The following TSPAN18 variants were observed in gnomAD, a reference collection of about 807,000 sequenced individuals.
TSPAN18 encodes tetraspanin 18.
In TSPAN18, 14 loss-of-function variants were observed where a neutral mutation model predicts 27.3. The observed-to-expected ratio is 0.51, with a 90% CI of 0.34 to 0.80. TSPAN18 has a LOEUF of 0.80. TSPAN18 is among the 30% of genes least tolerant of loss of function. The probability of loss-of-function intolerance (pLI) is 0.01; values close to 1 mark genes in which losing one functional copy is unlikely to be tolerated. For missense variants in TSPAN18, 268 were observed against 323.9 expected (o/e 0.83, Z 1.32); for synonymous variants, 143 against 136.5 (o/e 1.05, Z -0.33).
chr11:44,788,842 G>T (rs1195598845), intron 2 of TSPAN18, among the ~76,000 whole-genome samples: 1 of 152,218 alleles, frequency 6.6e-6, no homozygotes, highest in Non-Finnish European at 1.5e-5. Flanking sequence ...TTAAGAGGAG[G>T]TCATATGTCA....
chr11:44,912,242 G>C (rs866144734), intron 5 of TSPAN18, among the ~76,000 whole-genome samples: 1 of 152,034 alleles, frequency 6.6e-6, no homozygotes, highest in Non-Finnish European at 1.5e-5. Flanking sequence ...GGCTGGTCTT[G>C]AACTCCTGGG....
intron 1 of TSPAN18, among the ~76,000 whole-genome samples, chr11:44,738,369 C>T (rs535584397): frequency 2.0e-5 from 3 of 152,150 alleles, no homozygotes; most frequent in Non-Finnish European, 4.4e-5. Flanking sequence ...CTGGAGCCCC[C>T]CCGGCTGGAG....
chr11:44,751,054 A>C (rs774257728), intron 1 of TSPAN18, among the ~76,000 whole-genome samples: 8 of 152,166 alleles, frequency 5.3e-5, no homozygotes, highest in Non-Finnish European at 1.2e-4. Flanking sequence ...TTAGAGGATG[A>C]CTTTTAGGGC....
At chr11:44,796,588 C>T (rs1856355179) in intron 2 of TSPAN18, among the ~76,000 whole-genome samples, 1 of 152,114 alleles carries the variant, frequency 6.6e-6, no homozygotes, top group South Asian at 2.1e-4. Flanking sequence ...TGGAACCCAG[C>T]ATGTCAAAGT....
intron 2 of TSPAN18, among the ~76,000 whole-genome samples, chr11:44,830,362 G>A (rs1857129854): frequency 6.6e-6 from 1 of 152,244 alleles, no homozygotes. Context: ...TGCCATAGCA[G>A]GGAGAAGCCA....
intron 4 of TSPAN18, among the ~76,000 whole-genome samples, chr11:44,908,065 A>AAAAAG (rs1372443604): frequency 6.6e-6 from 1 of 151,236 alleles, no homozygotes; most frequent in Non-Finnish European, 1.5e-5. Flanking sequence ...AGAAAAAAAA[A>AAAAAG]AAAAAGGAGA....
rs765009338 is a variant in TSPAN18, at chr11:44,917,964, C to A, written c.259-8C>A. The A allele has an allele frequency of 3.1e-6, 5 of 1,614,074 alleles. No homozygotes were observed. The highest frequency in any genetic ancestry group is 4.2e-6 in the Non-Finnish European group (5 of 1,179,992). ...TCTGGGCTCACAAGGCTGTTCCTCT[C>A]CCTGCAGTTCTTCCTGTTCATCCTG... On this transcript the variant is annotated splice_polypyrimidine_tract_variant and splice_region_variant and intron_variant, in intron 5 of 9. Transcript: ENST00000520358.
At chr11:44,823,149 C>T (rs12789936) in intron 2 of TSPAN18, among the ~76,000 whole-genome samples, 27,262 of 152,208 alleles carry the variant, frequency 0.18, 3,205 homozygotes, top group Non-Finnish European at 0.26. Flanking sequence ...CCTCCACGGC[C>T]GGCAACGCCC....
At position 44,901,047 on chromosome 11, in the gene TSPAN18, G is replaced by A. The variant is rs374794405; in HGVS notation, c.-10-5360G>A. 4.6e-5 allele frequency among the ~76,000 whole-genome samples: 7 copies of A among 152,284 alleles called. No individual in the cohort carries two copies. The South Asian group carries it at 1.5e-3, about 32-fold the overall frequency. ...TTACAGAGAAGGAATTCAGTTGTATGCAGTTTAGTAACTTGCCCCACCAGC... is the reference window on the plus strand; with the variant it reads ...TTACAGAGAAGGAATTCAGTTGTATACAGTTTAGTAACTTGCCCCACCAGC... On this transcript the variant is annotated intron_variant, in intron 3 of 9. Coordinates refer to ENST00000520358, the MANE Select transcript of TSPAN18 (RefSeq NM_130783.5).
At position 44,884,058 on chromosome 11, in the gene TSPAN18, C is replaced by T. The variant is rs187918429; in HGVS notation, c.-10-22349C>T. 3.4e-3 allele frequency among the ~76,000 whole-genome samples: 515 copies of T among 152,276 alleles called. 6 individuals carry two copies. Among genetic ancestry groups the T allele is most frequent in the African/African-American group, 0.012 (485 of 41,530 alleles). On this transcript the variant is annotated intron_variant, in intron 3 of 9. Coordinates refer to ENST00000520358, the MANE Select transcript of TSPAN18 (RefSeq NM_130783.5). ...CTCTTCCCCAGGGATGCACAGGAGA[C>T]GACTGGCTCATCTGTGCCAGGGGCC...
rs974229687 is a variant in TSPAN18 at position 44,929,294 on chromosome 11, G to C, written c.*116G>C. On this transcript the variant is annotated 3_prime_UTR_variant, in exon 10 of 10. Transcript: ENST00000520358. ...CCCAGGGGAGAAGATGAGGCCATCA[G>C]AGATGGCCAGGAGAAGGGCCAGGGG... 9.0e-5 allele frequency: 117 copies of C among 1,296,944 alleles called. No individual in the cohort carries two copies. The highest frequency in any genetic ancestry group is 1.2e-4 in the Non-Finnish European group (113 of 918,414). The allele number at this position is 1,296,944 out of a possible 1,614,324, so 80.3% of individuals were successfully genotyped here. A position where few individuals can be genotyped will look rare whatever the true frequency, so the allele number is the denominator to read the frequency against.
intron 9 of TSPAN18, among the ~76,000 whole-genome samples, chr11:44,927,440 CG>C (rs989702413): frequency 6.6e-6 from 1 of 152,172 alleles, no homozygotes; most frequent in African/African-American, 2.4e-5. Flanking sequence ...CCTCGGCCTG[CG>C]GGGGAAGGAA....
At chr11:44,903,276 G>A in intron 3 of TSPAN18, 1 of 381,486 alleles carries the variant, frequency 2.6e-6, no homozygotes, top group South Asian at 2.0e-5. Context: ...GAATTAAGTG[G>A]GACTGGCATA....
rs1264480231 is a variant in TSPAN18 at position 44,730,331 on chromosome 11, GT to G, written c.-240+3048del. ...AGCCCTTTCAGTTCCTGGGGTGCAG[GT>G]TTTAGGGACCTCTCCCTTTCCAGAG... On this transcript the variant is annotated intron_variant, in intron 1 of 9. Coordinates refer to ENST00000520358, the MANE Select transcript of TSPAN18 (RefSeq NM_130783.5). Among the ~76,000 whole-genome samples the G allele has an allele frequency of 2.0e-5, 3 of 152,254 alleles. No individual in the cohort carries two copies. The East Asian group carries it at 5.8e-4, about 29-fold the overall frequency.
chr11:44,913,182 G>C (rs1299600232), intron 5 of TSPAN18, among the ~76,000 whole-genome samples: 1 of 152,112 alleles, frequency 6.6e-6, no homozygotes, highest in Non-Finnish European at 1.5e-5. Context: ...GTCTTGAGAG[G>C]GGCCAAAAGA....
chr11:44,820,692 A>AC (rs749197663), intron 2 of TSPAN18, among the ~76,000 whole-genome samples: 1 of 150,048 alleles, frequency 6.7e-6, no homozygotes, highest in Non-Finnish European at 1.5e-5. Flanking sequence ...TTGAAATTTG[A>AC]CCCCCAGTGT....
intron 2 of TSPAN18, among the ~76,000 whole-genome samples, chr11:44,843,240 C>A (rs1051001122): frequency 1.3e-5 from 2 of 151,994 alleles, no homozygotes; most frequent in African/African-American, 4.8e-5. Flanking sequence ...GGACAGAGTA[C>A]AAAAGAGGGA....
At chr11:44,800,818 C>A (rs560460771) in intron 2 of TSPAN18, among the ~76,000 whole-genome samples, 1 of 152,284 alleles carries the variant, frequency 6.6e-6, no homozygotes, top group South Asian at 2.1e-4. Flanking sequence ...GGGCTAATTG[C>A]AAAGCTTCCT....
chr11:44,753,685 T>G (rs1295413290), intron 1 of TSPAN18, among the ~76,000 whole-genome samples: 1 of 152,208 alleles, frequency 6.6e-6, no homozygotes, highest in Non-Finnish European at 1.5e-5. Flanking sequence ...TGTGAGCACA[T>G]AGTGATCGAC....
Sources: gnomAD v4.1 joint callset for allele counts (sites outside exome capture counted in the v4.1 genomes callset) on GRCh38, gnomAD v4.1.1 for gene constraint, MANE v1.5 for transcripts, NCBI Gene and HGNC (gene_info 2026-07-23, HGNC 2026-07-21) for gene names.